Variants in AWAT1 observed in about 807,000 individuals in gnomAD.
The protein encoded by AWAT1 is diacyl-glycerol acyltransferase 2.
A neutral mutation model predicts 21.6 loss-of-function variants in AWAT1; 26 were observed. That is an observed-to-expected ratio of 1.20 (90% CI 0.88 to 1.67). The LOEUF (loss-of-function observed/expected upper bound fraction) is 1.67, where lower values mean the gene tolerates loss of function less well. Among genes scored for constraint, AWAT1 ranks in the 40% most tolerant of loss-of-function variants. The pLI, the probability that AWAT1 is intolerant of heterozygous loss-of-function variation, is 0.00. For synonymous variants in AWAT1, 102 were observed against 99.3 expected (o/e 1.03, Z -0.16); for missense variants, 264 against 249.4 (o/e 1.06, Z -0.39).
chrX:70,239,694 C>T, intron 5 of AWAT1, 41 bp from the exon 6 acceptor site: 1 of 1,136,916 alleles, frequency 8.8e-7, no homozygotes, highest in Non-Finnish European at 1.2e-6. Context: ...TGGGTCTCAT[C>T]CTAGCTTGTG....
Position 70,240,425 on chromosome X carries a change from C to A in AWAT1, c.*135C>A. On this transcript the variant is annotated 3_prime_UTR_variant, in exon 7 of 7. Coordinates refer to ENST00000374521, the MANE Select transcript of AWAT1 (RefSeq NM_001013579.3). ...GAGGGCATGAGGAATTCCTTCTTTG[C>A]CTTCTTGCCACAGGGTCCTTACAGG... 1 of 694,642 alleles carries A rather than the reference C, an allele frequency of 1.4e-6. No individual in the cohort carries two copies. Among genetic ancestry groups the A allele is most frequent in the Non-Finnish European group, 2.1e-6 (1 of 471,286 alleles). 57.2% of individuals were successfully genotyped at this position (694,642 alleles called of 1,213,427 possible).
At chrX:70,235,608 T>G in intron 1 of AWAT1, 108 bp from the exon 2 acceptor site, 1 of 575,988 alleles carries the variant, frequency 1.7e-6, no homozygotes, top group Non-Finnish European at 3.1e-6. Context: ...TGGATTGTGT[T>G]GAGGGCCAGG....
intron 1 of AWAT1, 138 bp downstream of exon 1, chrX:70,234,909 A>T: frequency 2.1e-6 from 1 of 467,219 alleles, no homozygotes; most frequent in African/African-American, 2.4e-5. Context: ...AGTAAAACCA[A>T]GGAGTCTTGA....
intron 1 of AWAT1, 129 bp downstream of exon 1, chrX:70,234,900 G>T: frequency 2.1e-6 from 1 of 484,692 alleles, no homozygotes; most frequent in Non-Finnish European, 3.3e-6. Flanking sequence ...GTACTAGAGA[G>T]TAAAACCAAG....
chrX:70,240,416 C>T lies in AWAT1; in HGVS notation c.*126C>T. The stretch of plus-strand genomic sequence containing the variant: ...GTGGTAGGGGAGGGCATGAGGAATT[C>T]CTTCTTTGCCTTCTTGCCACAGGGT... On this transcript the variant is annotated 3_prime_UTR_variant, in exon 7 of 7. Transcript: ENST00000374521. 1 of 705,224 alleles carries T rather than the reference C, an allele frequency of 1.4e-6. No homozygotes were observed. Among genetic ancestry groups the T allele is most frequent in the South Asian group, 3.0e-5 (1 of 32,894 alleles). 58.1% of individuals were successfully genotyped at this position (705,224 alleles called of 1,213,427 possible). A position where few individuals can be genotyped will look rare whatever the true frequency, so the allele number is the denominator to read the frequency against.
At chrX:70,236,012 T>C in intron 2 of AWAT1, 57 bp from the exon 3 acceptor site, 1 of 1,049,115 alleles carries the variant, frequency 9.5e-7, no homozygotes, top group Non-Finnish European at 1.3e-6. Context: ...CCTGAGTCCG[T>C]GGAATGTATG....
At chrX:70,235,374 C>T (rs1484285747) in intron 1 of AWAT1, among the ~76,000 whole-genome samples, 1 of 108,989 alleles carries the variant, frequency 9.2e-6, no homozygotes, top group South Asian at 4.0e-4. Flanking sequence ...CGAGGGATGA[C>T]GGATAGGGAG....
Position 70,235,810 on chromosome X carries a change from G to A in AWAT1, c.171G>A (p.Lys57=), listed in dbSNP as rs749656227. 2 of 1,204,353 alleles carry A rather than the reference G, an allele frequency of 1.7e-6. No homozygotes were observed. The highest frequency in any genetic ancestry group is 3.5e-5 in the South Asian group (2 of 56,809). The part of the protein sequence containing the change: ...LYFAWLFLDW[K]TPERGGRRSA... ...TTGCCTGGTTGTTCCTGGACTGGAA[G>A]ACCCCAGAGCGAGGTAAGACTCACA... Residue 57 remains lysine (K), a synonymous_variant, in exon 2 of 7, where the codon AAG becomes AAA. Coordinates refer to ENST00000374521, the MANE Select transcript of AWAT1 (RefSeq NM_001013579.3).
At chrX:70,235,017 A>T (rs1002762080) in intron 1 of AWAT1, among the ~76,000 whole-genome samples, 1 of 110,623 alleles carries the variant, frequency 9.0e-6, no homozygotes, top group Non-Finnish European at 1.9e-5. Flanking sequence ...GTCATGATGG[A>T]TATGAGTAGA....
intron 5 of AWAT1, 47 bp downstream of exon 5, chrX:70,238,430 C>T: frequency 3.6e-6 from 4 of 1,099,049 alleles, no homozygotes; most frequent in Non-Finnish European, 4.8e-6. Context: ...CTCTGAGCAG[C>T]ATGACCCTGT....
At chrX:70,238,807 A>C (rs1337556667) in intron 5 of AWAT1, among the ~76,000 whole-genome samples, 1 of 112,354 alleles carries the variant, frequency 8.9e-6, no homozygotes, top group Non-Finnish European at 1.9e-5. Context: ...TTTTCATCTT[A>C]ATGATGTGGC....
At chrX:70,239,608 G>GA in intron 5 of AWAT1, 127 bp from the exon 6 acceptor site, 1 of 613,311 alleles carries the variant, frequency 1.6e-6, no homozygotes. Flanking sequence ...TTTAGTGCAA[G>GA]AAAAAATGCT....
rs760888705 is a variant in AWAT1, at chrX:70,239,812, T to C, written c.710T>C (p.Met237Thr). The change falls in exon 6 of 7, where the codon ATG becomes ACG. Residue 237 changes from methionine to threonine, a missense_variant. Coordinates refer to ENST00000374521, the MANE Select transcript of AWAT1 (RefSeq NM_001013579.3). ...DQVLFHKDSR[M>T]YKFQSCFRRI... ...GTGCTGTTCCATAAGGATAGCAGGA[T>C]GTACAAGTTCCAGAGCTGCTTCCGC... 1 of 1,208,027 alleles carries C rather than the reference T, an allele frequency of 8.3e-7. No homozygotes were observed. The highest frequency in any genetic ancestry group is 1.1e-6 in the Non-Finnish European group (1 of 893,639).
At position 70,240,234 on chromosome X, in the gene AWAT1, G is replaced by A. The variant is rs760331960; in HGVS notation, c.931G>A (p.Asp311Asn). Reference protein sequence around the residue: ...LYMDALHKLFDQHKTHYGCSE... With the variant: ...LYMDALHKLFNQHKTHYGCSE... ...TATGGATGCTCTGCACAAACTGTTC[G>A]ACCAGCATAAGACCCACTATGGCTG... The change falls in exon 7 of 7, where the codon GAC becomes AAC. Residue 311 changes from aspartate to asparagine, a missense_variant. Physicochemically the swap from Asp to Asn is conservative, Grantham distance 23. Transcript: ENST00000374521. 1.1e-4 allele frequency: 130 copies of A among 1,209,835 alleles called. 1 individual carries two copies. The highest frequency in any genetic ancestry group is 3.5e-4 in the South Asian group (20 of 56,785).
chrX:70,235,900 G>A, intron 2 of AWAT1, 77 bp downstream of exon 2: 5 of 1,003,097 alleles, frequency 5.0e-6, no homozygotes, highest in Non-Finnish European at 7.1e-6. Flanking sequence ...CATACCACAG[G>A]CCCCTCATCC....
At position 70,234,683 on chromosome X, in the gene AWAT1, G is replaced by T. The variant is rs909708072; in HGVS notation, c.-13G>T. 1 of 1,204,692 alleles carries T rather than the reference G, an allele frequency of 8.3e-7. No homozygotes were observed. On this transcript the variant is annotated 5_prime_UTR_variant, in exon 1 of 7. Transcript: ENST00000374521. ...GTTCTGAGATCTTTGCCTCCCTCAG[G>T]CTCCCGAGAATCATGGCTCATTCCA... is the stretch of plus-strand genomic sequence containing the variant.
At chrX:70,235,871 G>T (rs1233768968) in intron 2 of AWAT1, 48 bp downstream of exon 2, 5 of 1,091,646 alleles carry the variant, frequency 4.6e-6, no homozygotes, top group Non-Finnish European at 6.3e-6. Flanking sequence ...ATAACCTGCA[G>T]CCAGAGAGTC....
In AWAT1 at chrX:70,239,846, T is replaced by C; in HGVS notation, c.744T>C (p.Phe248=). 8.3e-7 allele frequency: 1 copy of C among 1,210,010 alleles called. No homozygotes were observed. Among genetic ancestry groups the C allele is most frequent in the African/African-American group, 1.7e-5 (1 of 57,670 alleles). The change falls in exon 6 of 7, where the codon TTT becomes TTC. Residue 248 remains phenylalanine (F), a synonymous_variant. Transcript: ENST00000374521. ...TCCAGAGCTGCTTCCGCCGTATCTT[T>C]GGTTTCTACTGTTGTGTCTTCTATG... ...YKFQSCFRRI[F]GFYCCVFYGQ...
chrX:70,238,336 C>A lies in AWAT1; in HGVS notation c.585C>A (p.Leu195=). Residue 195 remains leucine, a synonymous_variant, in exon 5 of 7, where the codon CTC becomes CTA. Transcript: ENST00000374521. ...AAAGTGTGCCCAACACCACCACCCT[C>A]ATCCTCCAGAAGCGCAAGGGGTTCG... The part of the protein sequence containing the change: ...ALQSVPNTTT[L]ILQKRKGFVR... 1.7e-6 allele frequency: 2 copies of A among 1,209,040 alleles called. No homozygotes were observed. Among genetic ancestry groups the A allele is most frequent in the Non-Finnish European group, 2.2e-6 (2 of 893,408 alleles).
Sources: gnomAD v4.1 joint callset for allele counts (sites outside exome capture counted in the v4.1 genomes callset) on GRCh38, gnomAD v4.1.1 for gene constraint, MANE v1.5 for transcripts, NCBI Gene and HGNC (gene_info 2026-07-23, HGNC 2026-07-21) for gene names.